Variants in PTGR2 observed in about 807,000 individuals in gnomAD.
The protein encoded by PTGR2 is prostaglandin reductase 2.
Under a neutral mutation model 43.4 loss-of-function variants are expected in PTGR2, and 32 were observed. The observed-to-expected ratio is 0.74, with a 90% CI of 0.56 to 0.99. The LOEUF is 0.99. Ranked by LOEUF, PTGR2 falls within the 50% of genes least tolerant of loss-of-function variation. PTGR2 has a pLI of 0.00. For synonymous variants in PTGR2, 106 were observed against 139.2 expected, an observed-to-expected ratio of 0.76 and a Z score of 1.68; for missense variants, 373 against 420.0, an observed-to-expected ratio of 0.89 and a Z score of 0.98.
chr14:73,880,032 T>C (rs776991493), intron 6 of PTGR2, 23 bp from the exon 7 acceptor site: 1 of 1,611,788 alleles, frequency 6.2e-7, no homozygotes, highest in African/African-American at 1.3e-5. Context: ...AGGGATATTT[T>C]ATCATTATTT....
chr14:73,865,150 G>A (rs1470589359), intron 3 of PTGR2, among the ~76,000 whole-genome samples: 5 of 152,142 alleles, frequency 3.3e-5, no homozygotes, highest in African/African-American at 1.2e-4. Context: ...ATGATAGGCT[G>A]TCTACAAACT....
chr14:73,880,381 T>C (rs1284992045), intron 7 of PTGR2: 4 of 489,002 alleles, frequency 8.2e-6, no homozygotes, highest in Admixed American at 3.0e-5. Context: ...AAAACTAGCC[T>C]GGCCAACATG....
At chr14:73,883,121 A>T (rs1017866849) in intron 9 of PTGR2, among the ~76,000 whole-genome samples, 2 of 147,624 alleles carry the variant, frequency 1.4e-5, no homozygotes, top group Non-Finnish European at 3.0e-5. Flanking sequence ...GCACAGGCCA[A>T]AGTCTTTTAT....
chr14:73,862,935 T>C lies in PTGR2; in HGVS notation c.156+2278T>C, dbSNP rs906659728. Among the ~76,000 whole-genome samples the C allele has an allele frequency of 2.0e-5, 3 of 152,070 alleles. No homozygotes were observed. The South Asian group carries it at 6.2e-4, about 32-fold the overall frequency. ...GTTGCCCAGGTTGGTCTTGAACTCC[T>C]GGACTCAAGCAATACTCTTATCTTG... On this transcript the variant is annotated intron_variant, in intron 3 of 9. Coordinates refer to ENST00000555661, the MANE Select transcript of PTGR2 (RefSeq NM_001146154.2).
At chr14:73,867,043 C>G (rs181585265) in intron 3 of PTGR2, among the ~76,000 whole-genome samples, 2 of 137,150 alleles carry the variant, frequency 1.5e-5, no homozygotes, top group Admixed American at 8.2e-5. Context: ...AAGCCAAGAT[C>G]GCGGCATTGC....
At chr14:73,853,425 C>T (rs1294422442) in intron 1 of PTGR2, among the ~76,000 whole-genome samples, 4 of 151,804 alleles carry the variant, frequency 2.6e-5, no homozygotes, top group Admixed American at 6.6e-5. Flanking sequence ...CGGTTTAAAG[C>T]GATTCCCCAG....
Position 73,882,409 on chromosome 14 carries a change from C to A in PTGR2, c.950C>A (p.Thr317Lys). The A allele has an allele frequency of 6.4e-7, 1 of 1,570,554 alleles. No individual in the cohort carries two copies. Among genetic ancestry groups the A allele is most frequent in the Non-Finnish European group, 8.8e-7 (1 of 1,141,520 alleles). ...TATTTTGATTTACAGATTAAAGAGACGGTAATAAATGGGTTGGAAAACATG... is the reference window on the plus strand; with the variant it reads ...TATTTTGATTTACAGATTAAAGAGAAGGTAATAAATGGGTTGGAAAACATG... The part of the protein sequence containing the change: ...FKEGKLKIKE[T>K]VINGLENMGA... Residue 317 changes from threonine (T) to lysine (K), a missense_variant, in exon 9 of 10, where the codon ACG becomes AAG. Coordinates refer to ENST00000555661, the MANE Select transcript of PTGR2 (RefSeq NM_001146154.2).
chr14:73,870,438 C>T (rs1039631144), intron 3 of PTGR2, among the ~76,000 whole-genome samples: 1 of 152,020 alleles, frequency 6.6e-6, no homozygotes, highest in Non-Finnish European at 1.5e-5. Context: ...CCTTGGCCTC[C>T]CAGAGTGCTG....
chr14:73,867,678 A>C (rs973496632), intron 3 of PTGR2, among the ~76,000 whole-genome samples: 2 of 152,208 alleles, frequency 1.3e-5, no homozygotes, highest in African/African-American at 4.8e-5. Context: ...TTCATGCTAG[A>C]AAGCACAGTC....
At chr14:73,879,438 AT>A (rs1413544634) in intron 6 of PTGR2, 133 bp downstream of exon 6, 1 of 762,562 alleles carries the variant, frequency 1.3e-6, no homozygotes, top group East Asian at 2.7e-5. Flanking sequence ...TCAGTATTGT[AT>A]TTAAGTGATA....
intron 3 of PTGR2, among the ~76,000 whole-genome samples, chr14:73,863,103 G>A (rs368891000): frequency 1.3e-5 from 2 of 152,052 alleles, no homozygotes; most frequent in Admixed American, 1.3e-4. Flanking sequence ...GTATATTCAC[G>A]GAATTCTGCA....
chr14:73,861,410 C>G (rs539542310), intron 3 of PTGR2: 1 of 152,146 alleles, frequency 6.6e-6, no homozygotes, highest in Non-Finnish European at 1.5e-5. Context: ...ATGGCCATGA[C>G]AAGCATAACT....
chr14:73,869,944 T>G (rs919249452), intron 3 of PTGR2, among the ~76,000 whole-genome samples: 1 of 152,032 alleles, frequency 6.6e-6, no homozygotes, highest in African/African-American at 2.4e-5. Context: ...GAGAATCGCT[T>G]GAGCCGGGGA....
intron 8 of PTGR2, 28 bp from the exon 9 acceptor site, chr14:73,882,371 T>C: frequency 2.1e-6 from 3 of 1,400,566 alleles, no homozygotes; most frequent in Non-Finnish European, 3.0e-6. Flanking sequence ...GTTTAAAGAC[T>C]ATTAAATCTA....
At chr14:73,862,871 C>G (rs1386955544) in intron 3 of PTGR2, among the ~76,000 whole-genome samples, 1 of 151,978 alleles carries the variant, frequency 6.6e-6, no homozygotes, top group Admixed American at 6.6e-5. Context: ...CCACACCCGG[C>G]TAATTTTTTT....
At chr14:73,858,313 GA>G (rs35564304) in intron 1 of PTGR2, 74,297 of 152,236 alleles carry the variant, frequency 0.49, 18,448 homozygotes, top group South Asian at 0.61. Flanking sequence ...CCAACACTGG[GA>G]AGCTGAGGCG....
At chr14:73,866,832 T>A (rs1165235298) in intron 3 of PTGR2, among the ~76,000 whole-genome samples, 2 of 151,984 alleles carry the variant, frequency 1.3e-5, no homozygotes, top group Non-Finnish European at 2.9e-5. Flanking sequence ...CTCACACCTG[T>A]AATCCCAGCA....
intron 3 of PTGR2, among the ~76,000 whole-genome samples, chr14:73,868,819 C>A (rs946341520): frequency 4.0e-5 from 6 of 151,852 alleles, no homozygotes; most frequent in African/African-American, 1.5e-4. Flanking sequence ...GGGCCATGCT[C>A]TTCCTTGCTC....
Position 73,852,852 on chromosome 14 carries a change from G to A in PTGR2, c.-48+909G>A, listed in dbSNP as rs373384476. Among the ~76,000 whole-genome samples the A allele has an allele frequency of 1.2e-4, 18 of 151,996 alleles. No individual in the cohort carries two copies. The East Asian group carries it at 3.1e-3, about 26-fold the overall frequency. ...TTGTTTGTTTGTTTTTTGAGACAAA[G>A]TCTCGCTCTGTTGCCCAGGCTGGAG... On this transcript the variant is annotated intron_variant, in intron 1 of 9. Transcript: ENST00000555661.
Sources: gnomAD v4.1 joint callset for allele counts (sites outside exome capture counted in the v4.1 genomes callset) on GRCh38, gnomAD v4.1.1 for gene constraint, MANE v1.5 for transcripts, NCBI Gene and HGNC (gene_info 2026-07-23, HGNC 2026-07-21) for gene names.